NAALAD2: variants seen among roughly 807,000 people sequenced by gnomAD.
NAALAD2 encodes N-acetylated alpha-linked acidic dipeptidase 2.
In NAALAD2, 89 loss-of-function variants were observed where a neutral mutation model predicts 95.6. The observed-to-expected ratio is 0.93, with a 90% CI of 0.78 to 1.11. NAALAD2 has a LOEUF of 1.11. Among genes scored for constraint, NAALAD2 ranks in the 50% least tolerant of loss-of-function variants. The pLI is 0.00. For missense variants in NAALAD2, 894 were observed against 872.4 expected, an observed-to-expected ratio of 1.02 and a Z score of -0.31; for synonymous variants, 264 against 294.4, an observed-to-expected ratio of 0.90 and a Z score of 1.06.
At chr11:90,185,858 CT>C (rs375865674) in intron 18 of NAALAD2, among the ~76,000 whole-genome samples, 5,496 of 133,014 alleles carry the variant, frequency 0.041, 128 homozygotes, top group East Asian at 0.081. Flanking sequence ...AGGGTAAACA[CT>C]TTTTTTTTTT....
At chr11:90,161,734 AT>A (rs1952305015) in intron 8 of NAALAD2, among the ~76,000 whole-genome samples, 1 of 151,998 alleles carries the variant, frequency 6.6e-6, no homozygotes, top group South Asian at 2.1e-4. Context: ...TTCATTCCTC[AT>A]ATGTTGCATT....
intron 11 of NAALAD2, chr11:90,163,921 T>C: frequency 2.2e-6 from 1 of 459,582 alleles, no homozygotes; most frequent in Non-Finnish European, 3.8e-6. Flanking sequence ...TAATGAGATA[T>C]TTTTGATGAT....
chr11:90,144,740 T>TAAAAAAAAAAAAAAAAAAAAA (rs773275468), intron 2 of NAALAD2, among the ~76,000 whole-genome samples: 2 of 90,914 alleles, frequency 2.2e-5, no homozygotes, highest in African/African-American at 9.9e-5. Flanking sequence ...AAAACTCCAT[T>TAAAAAAAAAAAAAAAAAAAAA]AAAAAAAAAA....
chr11:90,152,139 G>T (rs568953259), intron 5 of NAALAD2, among the ~76,000 whole-genome samples, 159 bp from the exon 6 acceptor site: 8 of 152,262 alleles, frequency 5.3e-5, no homozygotes, highest in African/African-American at 1.4e-4. Flanking sequence ...AGGTCTAATA[G>T]GTGGGAAATT....
At chr11:90,171,007 ATACAT>A (rs1391186475) in intron 13 of NAALAD2, among the ~76,000 whole-genome samples, 4 of 152,170 alleles carry the variant, frequency 2.6e-5, no homozygotes, top group African/African-American at 9.6e-5. Flanking sequence ...AGTGTAGTGA[ATACAT>A]TAAGTAGTTG....
chr11:90,139,822 GCATAGCTGC>G (rs1040482388), intron 2 of NAALAD2, among the ~76,000 whole-genome samples: 2 of 150,596 alleles, frequency 1.3e-5, no homozygotes, highest in African/African-American at 4.9e-5. Flanking sequence ...ACATTTGCAG[GCATAGCTGC>G]CATGACAGCT....
At chr11:90,184,863 GA>G (rs929296602) in intron 18 of NAALAD2, among the ~76,000 whole-genome samples, 1 of 149,222 alleles carries the variant, frequency 6.7e-6, no homozygotes. Flanking sequence ...GAATATATTT[GA>G]AAAAAAAATG....
Position 90,144,740 on chromosome 11 carries a change from T to TA in NAALAD2, c.195-2575dup, listed in dbSNP as rs773275468. 6.8e-3 allele frequency among the ~76,000 whole-genome samples: 619 copies of TA among 90,816 alleles called. 15 individuals carry two copies. Among genetic ancestry groups the TA allele is most frequent in the Middle Eastern group, 0.016 (3 of 184 alleles). 59.6% of individuals were successfully genotyped at this position (90,816 alleles called of 152,430 possible). Reference sequence around the variant, plus strand: ...CTGGGCAACAAGAGCAAAACTCCATTAAAAAAAAAAAAAAACGGAAAAGAA... The same window carrying TA: ...CTGGGCAACAAGAGCAAAACTCCATTAAAAAAAAAAAAAAAACGGAAAAGAA... On this transcript the variant is annotated intron_variant, in intron 2 of 18. Coordinates refer to ENST00000534061, the MANE Select transcript of NAALAD2 (RefSeq NM_005467.4).
At position 90,147,517 on chromosome 11, in the gene NAALAD2, G is replaced by C. The variant is rs1306332226; in HGVS notation, c.381+1G>C. ...GATTGTGGATGAACATGAAACTGAGGTATGTGAAATTGTTGGTACTTTTTA... is the reference window on the plus strand; with the variant it reads ...GATTGTGGATGAACATGAAACTGAGCTATGTGAAATTGTTGGTACTTTTTA... On this transcript the variant is annotated splice_donor_variant, in intron 3 of 18. Transcript: ENST00000534061. LOFTEE classifies it high-confidence loss of function. The C allele has an allele frequency of 6.3e-6, 10 of 1,595,516 alleles. No homozygotes were observed. Among genetic ancestry groups the C allele is most frequent in the African/African-American group, 1.3e-5 (1 of 74,122 alleles).
chr11:90,132,465 C>G (rs371812114), upstream of NAALAD2, among the ~76,000 whole-genome samples: 81 of 152,266 alleles, frequency 5.3e-4, no homozygotes, highest in African/African-American at 1.9e-3. Flanking sequence ...ATGTAGTCAA[C>G]AGTGAATGGT....
rs372632658 is a variant in NAALAD2 at position 90,163,403 on chromosome 11, G to A, written c.1169G>A (p.Arg390Gln). 5.7e-5 allele frequency: 92 copies of A among 1,614,022 alleles called. No individual in the cohort carries two copies. In the East Asian group the frequency reaches 1.3e-3, roughly 23 times the overall value. ...GTTGCTGTTTTGCAAGAAATTGCCC[G>A]GAGTTTTGGAAAACTGATGAGTAAA... ...SGVAVLQEIARSFGKLMSKGW... is the reference protein window; with the variant it reads ...SGVAVLQEIAQSFGKLMSKGW... Residue 390 changes from arginine to glutamine, a missense_variant, in exon 10 of 19, where the codon CGG (arginine) becomes CAG (glutamine). Coordinates refer to ENST00000534061, the MANE Select transcript of NAALAD2 (RefSeq NM_005467.4).
intron 2 of NAALAD2, 93 bp downstream of exon 2, chr11:90,135,763 C>T: frequency 1.7e-5 from 15 of 895,026 alleles, no homozygotes; most frequent in South Asian, 9.6e-5. Context: ...TGAGGACAGT[C>T]TTCTCTGTGT....
At chr11:90,140,450 CT>C (rs35964333) in intron 2 of NAALAD2, among the ~76,000 whole-genome samples, 66,956 of 148,434 alleles carry the variant, frequency 0.45, 15,722 homozygotes, top group African/African-American at 0.6. Flanking sequence ...CAAACCTCTT[CT>C]TTTTTTTTTA....
rs781310459 is a variant in NAALAD2, at chr11:90,158,323, T to C, written c.890+85T>C. ...ATTGAAAACCAATATGGCATTCTTA[T>C]GTTAAACACAAAGTTTTATAACTAA... On this transcript the variant is annotated intron_variant, in intron 7 of 18. Transcript: ENST00000534061. 42 of 933,750 alleles carry C rather than the reference T, an allele frequency of 4.5e-5. No individual in the cohort carries two copies. The African/African-American group carries it at 6.3e-4, about 14-fold the overall frequency. The allele number at this position is 933,750 out of a possible 1,614,324, so 57.8% of individuals were successfully genotyped here.
At position 90,135,595 on chromosome 11, in the gene NAALAD2, C is replaced by G. The variant is rs759414943; in HGVS notation, c.119C>G (p.Ser40Cys). ...AAGCCTCTCAAAGAAACGACCACTT[C>G]TGTGCGCTATCATCAAAGTATACGG... ...FIKPLKETTT[S>C]VRYHQSIRWK... is the part of the protein sequence containing the mutation. Residue 40 changes from serine (S) to cysteine (C), a missense_variant, in exon 2 of 19, where the codon TCT becomes TGT. By Grantham distance (112) the Ser-to-Cys change is moderately radical. Transcript: ENST00000534061. The G allele has an allele frequency of 1.4e-5, 23 of 1,612,862 alleles. No individual in the cohort carries two copies. Among genetic ancestry groups the G allele is most frequent in the Non-Finnish European group, 1.8e-5 (21 of 1,179,408 alleles).
At chr11:90,137,352 T>C (rs1555114387) in intron 2 of NAALAD2, among the ~76,000 whole-genome samples, 5 of 152,108 alleles carry the variant, frequency 3.3e-5, no homozygotes, top group Non-Finnish European at 1.5e-5. Context: ...TCAAAATAAC[T>C]AGAGTGGATT....
At chr11:90,132,655 A>C (rs191866576), upstream of NAALAD2, among the ~76,000 whole-genome samples, 60 of 152,354 alleles carry the variant, frequency 3.9e-4, no homozygotes, top group East Asian at 0.011. Flanking sequence ...GTCACACATA[A>C]AAATAATTCT....
chr11:90,162,473 G>C (rs995546406), intron 8 of NAALAD2: 2 of 151,822 alleles, frequency 1.3e-5, no homozygotes, highest in Non-Finnish European at 2.9e-5. Flanking sequence ...TAATCATAAA[G>C]AAAATTTTTG....
intron 13 of NAALAD2, among the ~76,000 whole-genome samples, chr11:90,172,163 T>C (rs1952661204): frequency 6.6e-6 from 1 of 152,104 alleles, no homozygotes; most frequent in Non-Finnish European, 1.5e-5. Flanking sequence ...CTCTCAACCA[T>C]TGTAAATTGG....
Sources: allele counts gnomAD v4.1 joint callset (sites outside exome capture counted in the v4.1 genomes callset), GRCh38; gene constraint gnomAD v4.1.1; transcripts MANE v1.5; gene names NCBI Gene and HGNC (gene_info 2026-07-23, HGNC 2026-07-21).